NBEA: variants seen among roughly 807,000 people sequenced by gnomAD.
NBEA encodes the protein neurobeachin.
NBEA carries 44 observed loss-of-function variants against 343.4 expected under a neutral mutation model. That is an observed-to-expected ratio of 0.13 (90% confidence interval 0.10 to 0.16). The LOEUF is 0.16. Ranked by LOEUF, NBEA falls within the 10% of genes least tolerant of loss-of-function variation. The pLI is 1.00. For synonymous variants in NBEA, 1,175 were observed against 1,238.7 expected (o/e 0.95, Z 1.08); for missense variants, 2,555 against 3,631.3 (o/e 0.70, Z 7.62).
chr13:35,336,912 C>T (rs1057415496), intron 36 of NBEA, among the ~76,000 whole-genome samples: 20 of 152,110 alleles, frequency 1.3e-4, no homozygotes, highest in East Asian at 7.8e-4. Context: ...ACATACCTAT[C>T]GGCTACAGTG....
At chr13:35,563,281 A>C (rs1488504653) in intron 44 of NBEA, among the ~76,000 whole-genome samples, 1 of 151,966 alleles carries the variant, frequency 6.6e-6, no homozygotes, top group African/African-American at 2.4e-5. Flanking sequence ...AACTATCCTA[A>C]AGAAAAAACA....
chr13:35,044,600 TGTG>T (rs1281115643), intron 2 of NBEA, among the ~76,000 whole-genome samples: 1 of 113,146 alleles, frequency 8.8e-6, no homozygotes, highest in Non-Finnish European at 1.9e-5. Context: ...CAGGCTGTGT[TGTG>T]GTGTGTGTGT....
At position 35,265,592 on chromosome 13, in the gene NBEA, T is replaced by C. The variant is rs2033606218; in HGVS notation, c.5777-24797T>C. On this transcript the variant is annotated intron_variant, in intron 34 of 58. Transcript: ENST00000379939. ...ACAACTAACTGATTTTTGACAACGG[T>C]GCCTAAAAACAGTGGAGGTAGGGAG... 5.3e-5 allele frequency among the ~76,000 whole-genome samples: 8 copies of C among 151,740 alleles called. 1 individual carries two copies. Among genetic ancestry groups the C allele is most frequent in the Admixed American group, 4.6e-4 (7 of 15,226 alleles).
At chr13:35,087,858 C>T (rs903599293) in intron 10 of NBEA, among the ~76,000 whole-genome samples, 1 of 151,804 alleles carries the variant, frequency 6.6e-6, no homozygotes, top group Non-Finnish European at 1.5e-5. Flanking sequence ...ATTTGACGTA[C>T]ATTAGAGATA....
intron 1 of NBEA, among the ~76,000 whole-genome samples, chr13:34,978,543 A>G (rs964122623): frequency 1.3e-5 from 2 of 152,154 alleles, no homozygotes; most frequent in Non-Finnish European, 2.9e-5. Context: ...TGACAAATGC[A>G]TGTACCTGAG....
At chr13:35,504,573 T>C (rs901461449) in intron 41 of NBEA, among the ~76,000 whole-genome samples, 19 of 152,154 alleles carry the variant, frequency 1.2e-4, no homozygotes, top group African/African-American at 4.3e-4. Context: ...CATTTACTTA[T>C]TTTTCTTTTT....
intron 41 of NBEA, among the ~76,000 whole-genome samples, chr13:35,488,240 T>G (rs1484698585): frequency 1.3e-5 from 2 of 151,902 alleles, no homozygotes; most frequent in East Asian, 1.9e-4. Flanking sequence ...AATCTAACTT[T>G]AATGAATTTA....
chr13:35,175,721 T>TC (rs1359277967), intron 27 of NBEA, among the ~76,000 whole-genome samples: 2 of 152,134 alleles, frequency 1.3e-5, no homozygotes, highest in Non-Finnish European at 2.9e-5. Context: ...GAGTGGTGTT[T>TC]CTTTTTTTTT....
At chr13:35,391,643 A>C (rs750888706) in intron 38 of NBEA, among the ~76,000 whole-genome samples, 2 of 151,912 alleles carry the variant, frequency 1.3e-5, no homozygotes, top group Non-Finnish European at 2.9e-5. Flanking sequence ...ATCATTGTAG[A>C]TGCATGAAGT....
chr13:35,164,764 T>G (rs187523171), intron 24 of NBEA, among the ~76,000 whole-genome samples: 3 of 152,196 alleles, frequency 2.0e-5, no homozygotes, highest in Non-Finnish European at 2.9e-5. Flanking sequence ...ATCAAAGATA[T>G]TGTATATCTC....
At chr13:35,040,708 C>G (rs2062618488) in intron 1 of NBEA, among the ~76,000 whole-genome samples, 1 of 152,056 alleles carries the variant, frequency 6.6e-6, no homozygotes. Flanking sequence ...GATTTGAAAT[C>G]ACCCTTTTCC....
intron 17 of NBEA, among the ~76,000 whole-genome samples, chr13:35,127,310 T>C (rs1287246326): frequency 1.3e-5 from 2 of 152,168 alleles, no homozygotes; most frequent in Non-Finnish European, 2.9e-5. Flanking sequence ...ATACAGCAAA[T>C]TATTTCTGTG....
intron 45 of NBEA, among the ~76,000 whole-genome samples, chr13:35,569,766 T>C (rs2080308017): frequency 6.6e-6 from 1 of 152,178 alleles, no homozygotes; most frequent in Non-Finnish European, 1.5e-5. Context: ...GTAGGGACTG[T>C]GCCTCACTGG....
At chr13:35,629,116 ATTAC>A (rs2083348843) in intron 49 of NBEA, among the ~76,000 whole-genome samples, 1 of 152,190 alleles carries the variant, frequency 6.6e-6, no homozygotes, top group African/African-American at 2.4e-5. Context: ...CATATAAAAT[ATTAC>A]TTAAATCATT....
intron 38 of NBEA, among the ~76,000 whole-genome samples, chr13:35,385,201 G>GT (rs2152895063): frequency 6.6e-6 from 1 of 152,224 alleles, no homozygotes; most frequent in East Asian, 1.9e-4. Flanking sequence ...TTGAGTTTCT[G>GT]TATGTATTAC....
intron 34 of NBEA, among the ~76,000 whole-genome samples, chr13:35,258,879 T>C (rs2152796102): frequency 6.6e-6 from 1 of 152,326 alleles, no homozygotes; most frequent in East Asian, 1.9e-4. Context: ...ATTCAACATG[T>C]TACCATAAAG....
chr13:35,075,270 A>G (rs371515386), intron 10 of NBEA, among the ~76,000 whole-genome samples: 1 of 152,132 alleles, frequency 6.6e-6, no homozygotes, highest in African/African-American at 2.4e-5. Flanking sequence ...AGACATGTAA[A>G]GTATCTGTCA....
intron 44 of NBEA, among the ~76,000 whole-genome samples, chr13:35,563,232 A>G (rs1489597404): frequency 3.3e-5 from 5 of 151,886 alleles, no homozygotes; most frequent in African/African-American, 1.2e-4. Flanking sequence ...AAAGGAAAGG[A>G]CCCTACCAAT....
chr13:35,291,882 ACTTT>A (rs1424299310), intron 35 of NBEA, among the ~76,000 whole-genome samples: 1 of 151,948 alleles, frequency 6.6e-6, no homozygotes, highest in African/African-American at 2.4e-5. Context: ...TATGCAGTGC[ACTTT>A]CTTTCAGTGT....
Sources: gnomAD v4.1 joint callset for allele counts (sites outside exome capture counted in the v4.1 genomes callset) on GRCh38, gnomAD v4.1.1 for gene constraint, MANE v1.5 for transcripts, NCBI Gene and HGNC (gene_info 2026-07-23, HGNC 2026-07-21) for gene names.